The following NRG4 variants were observed in gnomAD, a reference collection of about 807,000 sequenced individuals.
NRG4 encodes pro-neuregulin-4, membrane-bound isoform.
A neutral mutation model predicts 15.0 loss-of-function variants in NRG4; 10 were observed. That is an observed-to-expected ratio of 0.67 (90% CI 0.41 to 1.13). The LOEUF is 1.13. NRG4 is among the 50% of genes most tolerant of loss of function. The pLI, the probability that NRG4 is intolerant of heterozygous loss-of-function variation, is 0.00. For missense variants in NRG4, 139 were observed against 140.2 expected (o/e 0.99, Z 0.04); for synonymous variants, 41 against 50.1 (o/e 0.82, Z 0.77).
At chr15:75,978,498 C>T (rs2033463689) in intron 3 of NRG4, among the ~76,000 whole-genome samples, 1 of 152,158 alleles carries the variant, frequency 6.6e-6, no homozygotes, top group Non-Finnish European at 1.5e-5. Context: ...AATAGTGCTG[C>T]AATAAACATG....
chr15:76,040,978 G>A (rs921987744), intron 4 of NRG4, among the ~76,000 whole-genome samples: 8 of 152,250 alleles, frequency 5.3e-5, no homozygotes, highest in Non-Finnish European at 1.2e-4. Flanking sequence ...AGACAGAACT[G>A]TAAGATATAA....
chr15:75,991,653 G>T (rs1168728237), intron 3 of NRG4, among the ~76,000 whole-genome samples: 1 of 150,892 alleles, frequency 6.6e-6, no homozygotes, highest in Non-Finnish European at 1.5e-5. Context: ...GGTCTAATTG[G>T]TCTATGAACT....
chr15:76,014,376 T>C (rs1441012975), upstream of NRG4, among the ~76,000 whole-genome samples: 1 of 152,244 alleles, frequency 6.6e-6, no homozygotes, highest in Non-Finnish European at 1.5e-5. Context: ...TTTTGGCTTT[T>C]GTTGCCATTG....
chr15:75,986,768 C>A (rs2033814917), intron 3 of NRG4, among the ~76,000 whole-genome samples: 1 of 151,898 alleles, frequency 6.6e-6, no homozygotes. Flanking sequence ...TATTTCTTTG[C>A]CAGACAATGG....
At chr15:76,027,465 T>C (rs553674776) in intron 5 of NRG4, among the ~76,000 whole-genome samples, 33 of 151,288 alleles carry the variant, frequency 2.2e-4, no homozygotes, top group African/African-American at 8.0e-4. Flanking sequence ...TAATCCTCAA[T>C]GGATCCATTC....
At chr15:76,013,429 A>G (rs754777510), upstream of NRG4, among the ~76,000 whole-genome samples, 2 of 152,204 alleles carry the variant, frequency 1.3e-5, no homozygotes, top group Non-Finnish European at 2.9e-5. Flanking sequence ...TACAAGTGCC[A>G]TGCTGGTTTC....
intron 4 of NRG4, among the ~76,000 whole-genome samples, chr15:76,038,014 G>C (rs2035636491): frequency 6.6e-6 from 1 of 152,158 alleles, no homozygotes; most frequent in Admixed American, 6.5e-5. Flanking sequence ...TGGACCCACA[G>C]GGAAACTGAT....
Position 76,058,980 on chromosome 15 carries a change from C to T in NRG4, c.-328+675G>A, listed in dbSNP as rs560872856. Among the ~76,000 whole-genome samples the T allele has an allele frequency of 2.0e-5, 3 of 152,204 alleles. No homozygotes were observed. In the East Asian group the frequency reaches 5.8e-4, roughly 29 times the overall value. On this transcript the variant is annotated intron_variant, in intron 1 of 8. Coordinates refer to the NRG4 transcript ENST00000563910. ...GCTCAGTGGTTCCGTTTAACCCACC[C>T]GGTAACTGGCAATCATGGCCCTAGG...
chr15:76,060,059 C>T (rs2036262573), upstream of NRG4: 1 of 150,130 alleles, frequency 6.7e-6, no homozygotes, highest in South Asian at 2.1e-4. Context: ...CTTCCCCTGC[C>T]TCACTGCCCG....
chr15:75,986,366 A>G (rs1023955880), intron 3 of NRG4, among the ~76,000 whole-genome samples: 8 of 152,224 alleles, frequency 5.3e-5, no homozygotes, highest in Non-Finnish European at 8.8e-5. Flanking sequence ...ACATACATAT[A>G]AGGTTAATTG....
chr15:76,052,400 A>T (rs1000779286), intron 3 of NRG4, among the ~76,000 whole-genome samples: 66 of 151,072 alleles, frequency 4.4e-4, no homozygotes, highest in Non-Finnish European at 2.9e-4. Context: ...TACTGTTACT[A>T]TTTCCAAATA....
chr15:76,031,676 C>T (rs941073880), intron 5 of NRG4, among the ~76,000 whole-genome samples: 17 of 151,988 alleles, frequency 1.1e-4, no homozygotes, highest in East Asian at 1.9e-4. Context: ...CCAGCCTGGG[C>T]GACAGAGCAA....
intron 4 of NRG4, among the ~76,000 whole-genome samples, chr15:76,045,642 T>C (rs1005554852): frequency 6.6e-6 from 1 of 150,986 alleles, no homozygotes; most frequent in Non-Finnish European, 1.5e-5. Context: ...TGGATGGAAC[T>C]GGAGGTCACT....
At chr15:76,057,224 T>C (rs1481501424) in intron 1 of NRG4, 1 of 150,250 alleles carries the variant, frequency 6.7e-6, no homozygotes, top group East Asian at 1.9e-4. Flanking sequence ...CTGGGGCAGT[T>C]AAAAAAAAAA....
intron 3 of NRG4, among the ~76,000 whole-genome samples, chr15:75,970,972 G>A (rs901961012): frequency 3.9e-5 from 6 of 152,220 alleles, no homozygotes; most frequent in African/African-American, 1.4e-4. Flanking sequence ...CCTGTCAAAT[G>A]CACCTTTCTG....
At chr15:76,001,896 T>G (rs2034429961) in intron 3 of NRG4, among the ~76,000 whole-genome samples, 1 of 152,182 alleles carries the variant, frequency 6.6e-6, no homozygotes, top group Non-Finnish European at 1.5e-5. Flanking sequence ...CCAGCCAGAT[T>G]TTTGTCAGAT....
intron 4 of NRG4, among the ~76,000 whole-genome samples, chr15:75,959,632 A>G (rs773258357): frequency 2.0e-5 from 3 of 152,032 alleles, no homozygotes; most frequent in South Asian, 2.1e-4. Context: ...GTAGTTGGGA[A>G]TACAGATGTG....
Position 76,011,865 on chromosome 15 carries a change from GA to G in NRG4, c.-57+453del, listed in dbSNP as rs555713530. On this transcript the variant is annotated intron_variant, in intron 1 of 5. Coordinates refer to ENST00000394907, the MANE Select transcript of NRG4 (RefSeq NM_138573.4). The stretch of plus-strand genomic sequence containing the variant: ...GGAACTTAAAATTAAATTTAAAAAA[GA>G]AAAAAAATGTTAACCCCACACACAC... 2.9e-3 allele frequency among the ~76,000 whole-genome samples: 433 copies of G among 151,408 alleles called. 1 individual carries two copies. The highest frequency in any genetic ancestry group is 4.2e-3 in the Non-Finnish European group (288 of 67,796).
At chr15:75,971,576 T>C (rs1211955832) in intron 3 of NRG4, among the ~76,000 whole-genome samples, 5 of 152,160 alleles carry the variant, frequency 3.3e-5, no homozygotes, top group African/African-American at 4.8e-5. Flanking sequence ...TGAGATATAA[T>C]ATCCTATCTA....
Sources: allele counts gnomAD v4.1 joint callset (sites outside exome capture counted in the v4.1 genomes callset), GRCh38; gene constraint gnomAD v4.1.1; transcripts MANE v1.5; gene names NCBI Gene and HGNC (gene_info 2026-07-23, HGNC 2026-07-21).